PVT1: variants seen among roughly 807,000 people sequenced by gnomAD.
PVT1 encodes the protein Pvt1 oncogene.
At chr8:127,826,994 C>CTTTTTTTTTTTTTTTT (rs5894901) in intron 2 of PVT1, among the ~76,000 whole-genome samples, 7 of 113,936 alleles carry the variant, frequency 6.1e-5, no homozygotes, top group Admixed American at 1.0e-4. Flanking sequence ...TTCTTTTTCT[C>CTTTTTTTTTTTTTTTT]TTTTTTTTTT....
chr8:127,896,716 C>A (rs989458648), intron 3 of PVT1, among the ~76,000 whole-genome samples: 2 of 151,694 alleles, frequency 1.3e-5, no homozygotes, highest in Non-Finnish European at 2.9e-5. Context: ...GCATCTATCA[C>A]CCCATCACCT....
rs142533535 is a variant in PVT1, at chr8:127,825,775, C to T, written n.372+29704C>T. Among the ~76,000 whole-genome samples the T allele has an allele frequency of 1.1e-3, 166 of 152,286 alleles. 1 individual carries two copies. The highest frequency in any genetic ancestry group is 1.8e-3 in the Non-Finnish European group (121 of 68,012). On this transcript the variant is annotated intron_variant and non_coding_transcript_variant, in intron 2 of 10. Coordinates refer to ENST00000651587, the Ensembl canonical transcript of PVT1. Reference sequence around the variant, plus strand: ...CATACCTTCTTCATATGGCGTGCATCTCTTCCTCAGCTATATGGGTGTCCT... The same window carrying T: ...CATACCTTCTTCATATGGCGTGCATTTCTTCCTCAGCTATATGGGTGTCCT...
intron 3 of PVT1, among the ~76,000 whole-genome samples, chr8:127,974,286 A>G (rs1816797372): frequency 6.6e-6 from 1 of 152,170 alleles, no homozygotes; most frequent in African/African-American, 2.4e-5. Flanking sequence ...TTGATGCTCA[A>G]ATGCCTCTGA....
intron 4 of PVT1, among the ~76,000 whole-genome samples, chr8:127,992,731 A>C (rs1403213505): frequency 4.6e-5 from 7 of 152,318 alleles, no homozygotes; most frequent in Admixed American, 4.6e-4. Flanking sequence ...CTGGATATGC[A>C]GACAGGATGG....
intron 3 of PVT1, among the ~76,000 whole-genome samples, chr8:127,930,321 TA>T (rs1816189726): frequency 1.3e-5 from 2 of 152,190 alleles, no homozygotes; most frequent in African/African-American, 4.8e-5. Flanking sequence ...CAGGTCTGGC[TA>T]ATTTTTTTGC....
At chr8:128,028,239 C>T (rs1276024713) in intron 4 of PVT1, among the ~76,000 whole-genome samples, 3 of 152,266 alleles carry the variant, frequency 2.0e-5, no homozygotes, top group Non-Finnish European at 2.9e-5. Flanking sequence ...CTGGCAGCTG[C>T]TTCCCGCCTT....
At chr8:128,002,068 T>C (rs1437857214) in intron 4 of PVT1, among the ~76,000 whole-genome samples, 1 of 152,196 alleles carries the variant, frequency 6.6e-6, no homozygotes, top group Non-Finnish European at 1.5e-5. Flanking sequence ...ACGTCAACAA[T>C]CTTTCTGTCC....
At chr8:128,015,266 T>A (rs1817360091) in intron 4 of PVT1, among the ~76,000 whole-genome samples, 1 of 151,838 alleles carries the variant, frequency 6.6e-6, no homozygotes, top group Admixed American at 6.6e-5. Flanking sequence ...CTTTTTGTAT[T>A]TTTAGTAGAG....
At chr8:127,901,660 C>G (rs898810296) in intron 3 of PVT1, among the ~76,000 whole-genome samples, 1 of 152,106 alleles carries the variant, frequency 6.6e-6, no homozygotes, top group Non-Finnish European at 1.5e-5. Context: ...GATCCTCCCA[C>G]CTTGGCCTCC....
intron 5 of PVT1, among the ~76,000 whole-genome samples, chr8:128,071,994 A>G (rs1483536402): frequency 6.6e-6 from 1 of 152,218 alleles, no homozygotes; most frequent in Non-Finnish European, 1.5e-5. Flanking sequence ...ACCTGCTCAC[A>G]GAGTTAATAA....
intron 3 of PVT1, among the ~76,000 whole-genome samples, chr8:127,960,216 C>G (rs1315211352): frequency 6.6e-6 from 1 of 152,184 alleles, no homozygotes; most frequent in Non-Finnish European, 1.5e-5. Flanking sequence ...TGAGTCTACT[C>G]CCTTTTTTGA....
chr8:127,865,378 T>C (rs951052884), intron 2 of PVT1, among the ~76,000 whole-genome samples: 1 of 152,130 alleles, frequency 6.6e-6, no homozygotes, highest in Non-Finnish European at 1.5e-5. Flanking sequence ...CATGGGGATG[T>C]CATATGCCAT....
chr8:128,024,056 T>C (rs532035187), intron 4 of PVT1, among the ~76,000 whole-genome samples: 1 of 152,052 alleles, frequency 6.6e-6, no homozygotes, highest in African/African-American at 2.4e-5. Context: ...AGGTAACAGC[T>C]CAAACTTCTA....
chr8:128,049,964 A>G (rs1813668691), intron 4 of PVT1, among the ~76,000 whole-genome samples: 1 of 152,104 alleles, frequency 6.6e-6, no homozygotes, highest in African/African-American at 2.4e-5. Flanking sequence ...CCCAAAGTAC[A>G]CTGGGGACAA....
chr8:128,018,822 C>T (rs6983786), intron 4 of PVT1, among the ~76,000 whole-genome samples: 2,484 of 152,290 alleles, frequency 0.016, 65 homozygotes, highest in African/African-American at 0.056. Flanking sequence ...CCTCCCTCCT[C>T]CCCCCACCAC....
chr8:127,970,686 C>T (rs1163918312), intron 3 of PVT1, among the ~76,000 whole-genome samples: 2 of 152,010 alleles, frequency 1.3e-5, no homozygotes, highest in Admixed American at 6.6e-5. Flanking sequence ...GGGGTCTCAT[C>T]GTTGGTTATG....
chr8:127,897,415 G>A (rs537666147), intron 3 of PVT1, among the ~76,000 whole-genome samples: 1 of 151,862 alleles, frequency 6.6e-6, no homozygotes, highest in Non-Finnish European at 1.5e-5. Context: ...AGAGTAAGGG[G>A]CTATGTGAGA....
chr8:127,904,712 A>T (rs1214690729), intron 3 of PVT1, among the ~76,000 whole-genome samples: 1 of 152,080 alleles, frequency 6.6e-6, no homozygotes, highest in African/African-American at 2.4e-5. Flanking sequence ...CTTCCATTTT[A>T]CCACTGACAG....
chr8:127,898,041 T>C lies in PVT1; in HGVS notation n.782+7043T>C, dbSNP rs1586427116. On this transcript the variant is annotated intron_variant and non_coding_transcript_variant, in intron 3 of 10. Transcript: ENST00000651587. The surrounding 1 kb of genome is among the most constrained non-coding windows in gnomAD (Gnocchi z 4.4). ...TGAACCTGAGTGAAGAAATATACTC[T>C]GTCCTTTGTACCTGCGTGAAGAAAG... is the stretch of plus-strand genomic sequence containing the variant. Among the ~76,000 whole-genome samples, 1 of 136,518 alleles carries C rather than the reference T, an allele frequency of 7.3e-6. No individual in the cohort carries two copies. Among genetic ancestry groups the C allele is most frequent in the African/African-American group, 2.8e-5 (1 of 35,752 alleles). 89.6% of individuals were successfully genotyped at this position (136,518 alleles called of 152,430 possible).
Sources: gnomAD v4.1 joint callset for allele counts (sites outside exome capture counted in the v4.1 genomes callset) on GRCh38, gnomAD v4.1.1 for gene constraint, Gnocchi (gnomAD v3.1) non-coding constraint, MANE v1.5 for transcripts, NCBI Gene and HGNC (gene_info 2026-07-23, HGNC 2026-07-21) for gene names.